The following SEMA6A variants were observed in gnomAD, a reference collection of about 807,000 sequenced individuals.
SEMA6A encodes the protein semaphorin-6A.
Under a neutral mutation model 96.8 loss-of-function variants are expected in SEMA6A, and 25 were observed. The ratio of observed to expected loss-of-function variants is 0.26; its 90% CI spans 0.19 to 0.36. SEMA6A has a LOEUF of 0.36. Among genes scored for constraint, SEMA6A ranks in the 10% least tolerant of loss-of-function variants. The pLI is 1.00. For synonymous variants in SEMA6A, 612 were observed against 518.0 expected (o/e 1.18, Z -2.46); for missense variants, 1,363 against 1,323.1 (o/e 1.03, Z -0.47).
chr5:116,534,604 C>T (rs541175441), intron 1 of SEMA6A, among the ~76,000 whole-genome samples: 24 of 152,196 alleles, frequency 1.6e-4, no homozygotes, highest in Non-Finnish European at 3.1e-4. Context: ...TATGTGGGTT[C>T]CTGATAGCCC....
At chr5:116,537,748 AAAAG>A (rs1759781709) in intron 1 of SEMA6A, among the ~76,000 whole-genome samples, 1 of 152,106 alleles carries the variant, frequency 6.6e-6, no homozygotes, top group African/African-American at 2.4e-5. Context: ...CATTTAGAAA[AAAAG>A]AGAGAAAAGA....
At chr5:116,521,759 G>T (rs1486236037) in intron 1 of SEMA6A, among the ~76,000 whole-genome samples, 1 of 152,198 alleles carries the variant, frequency 6.6e-6, no homozygotes, top group Non-Finnish European at 1.5e-5. Flanking sequence ...TGTGTGAAAG[G>T]CTGAGAAGTT....
chr5:116,490,997 T>C (rs1247454324), intron 7 of SEMA6A, among the ~76,000 whole-genome samples: 12 of 152,148 alleles, frequency 7.9e-5, no homozygotes, highest in Non-Finnish European at 1.6e-4. Flanking sequence ...TCTTTTGCAG[T>C]GGAAAGAAGG....
intron 1 of SEMA6A, among the ~76,000 whole-genome samples, chr5:116,571,846 A>G (rs1212551383): frequency 6.6e-6 from 1 of 152,232 alleles, no homozygotes; most frequent in African/African-American, 2.4e-5. Context: ...AATTCTTGCA[A>G]TCTTGACCGC....
At chr5:116,455,020 C>A (rs1188013824) in intron 18 of SEMA6A, among the ~76,000 whole-genome samples, 1 of 152,128 alleles carries the variant, frequency 6.6e-6, no homozygotes, top group Non-Finnish European at 1.5e-5. Flanking sequence ...GAGTGGTTGA[C>A]TGTAGATGAA....
At chr5:116,535,881 G>T (rs1759686626) in intron 1 of SEMA6A, among the ~76,000 whole-genome samples, 1 of 152,188 alleles carries the variant, frequency 6.6e-6, no homozygotes, top group Non-Finnish European at 1.5e-5. Flanking sequence ...AAAGCAAGAA[G>T]ATATGCTGGT....
At chr5:116,569,780 G>A (rs190600325) in intron 1 of SEMA6A, among the ~76,000 whole-genome samples, 200 of 152,266 alleles carry the variant, frequency 1.3e-3, no homozygotes, top group Non-Finnish European at 2.5e-3. Flanking sequence ...AAAGAATGGA[G>A]TTGCCATTTA....
At chr5:116,466,816 G>GT (rs1267647248) in intron 18 of SEMA6A, among the ~76,000 whole-genome samples, 1 of 152,126 alleles carries the variant, frequency 6.6e-6, no homozygotes. Flanking sequence ...TTACAAGACT[G>GT]TTTTTTGGAC....
rs755916271 is a variant in SEMA6A at position 116,477,828 on chromosome 5, A to G, written c.1649+18T>C. 5.0e-6 allele frequency: 8 copies of G among 1,612,946 alleles called. No individual in the cohort carries two copies. Among genetic ancestry groups the G allele is most frequent in the Admixed American group, 1.7e-5 (1 of 59,996 alleles). On this transcript the variant is annotated intron_variant, in intron 15 of 18. Transcript: ENST00000343348. The stretch of plus-strand genomic sequence containing the variant: ...GCTGGAAGCCACTTCACCCTCTCCC[A>G]CACCTCAGGCTGCCTACCTGCTGTT...
intron 7 of SEMA6A, among the ~76,000 whole-genome samples, chr5:116,490,191 A>G (rs887665785): frequency 1.2e-4 from 18 of 152,236 alleles, no homozygotes; most frequent in Non-Finnish European, 1.3e-4. Flanking sequence ...CTATATATCA[A>G]TAAGTTTTGG....
intron 1 of SEMA6A, among the ~76,000 whole-genome samples, chr5:116,535,056 C>G (rs140721694): frequency 2.8e-4 from 43 of 152,308 alleles, no homozygotes; most frequent in Middle Eastern, 3.4e-3. Flanking sequence ...AATACATATC[C>G]TTTTGCAGGA....
chr5:116,542,921 A>AT (rs200617344), intron 1 of SEMA6A, among the ~76,000 whole-genome samples: 2 of 151,994 alleles, frequency 1.3e-5, no homozygotes, highest in African/African-American at 4.8e-5. Context: ...CCTTTCTCTG[A>AT]TTTTTTTTGG....
At chr5:116,572,006 G>A (rs1023539531) in intron 1 of SEMA6A, among the ~76,000 whole-genome samples, 3 of 152,306 alleles carry the variant, frequency 2.0e-5, no homozygotes, top group African/African-American at 7.2e-5. Context: ...CCACAGACTT[G>A]ATGCCCAAGA....
At chr5:116,466,924 T>G (rs1165009083) in intron 18 of SEMA6A, among the ~76,000 whole-genome samples, 3 of 152,214 alleles carry the variant, frequency 2.0e-5, no homozygotes, top group Admixed American at 6.5e-5. Flanking sequence ...TGTCTGCAGC[T>G]AAGCAAAGAA....
chr5:116,541,772 G>T (rs1759974268), intron 1 of SEMA6A, among the ~76,000 whole-genome samples: 1 of 152,296 alleles, frequency 6.6e-6, no homozygotes, highest in South Asian at 2.1e-4. Flanking sequence ...GGTGGAGGTT[G>T]CAGTGAGCTG....
chr5:116,485,849 CACA>C (rs1418167431), intron 10 of SEMA6A, among the ~76,000 whole-genome samples: 1 of 152,170 alleles, frequency 6.6e-6, no homozygotes, highest in East Asian at 1.9e-4. Flanking sequence ...ATCATTTTCA[CACA>C]ACAATACGAG....
Position 116,445,593 on chromosome 5 carries a change from G to A in SEMA6A, c.*1020C>T, listed in dbSNP as rs1754129370. ...TGCTTTAGAAATTAGGATCTGGAAGGACTTTAACATGAATTAGTTTTTTTG... is the reference window on the plus strand; with the variant it reads ...TGCTTTAGAAATTAGGATCTGGAAGAACTTTAACATGAATTAGTTTTTTTG... On this transcript the variant is annotated 3_prime_UTR_variant, in exon 19 of 19. Transcript: ENST00000343348. 1 of 152,414 alleles carries A rather than the reference G, an allele frequency of 6.6e-6. No individual in the cohort carries two copies. The highest frequency in any genetic ancestry group is 2.4e-5 in the African/African-American group (1 of 41,432). 9.4% of individuals were successfully genotyped at this position (152,414 alleles called of 1,614,324 possible).
chr5:116,517,946 A>T (rs73254677), intron 1 of SEMA6A, among the ~76,000 whole-genome samples: 1 of 152,130 alleles, frequency 6.6e-6, no homozygotes, highest in East Asian at 1.9e-4. Flanking sequence ...TTTCTCCCCA[A>T]TGGAATATGC....
intron 1 of SEMA6A, among the ~76,000 whole-genome samples, chr5:116,542,764 G>C (rs1049910553): frequency 6.6e-6 from 1 of 152,210 alleles, no homozygotes; most frequent in African/African-American, 2.4e-5. Flanking sequence ...TAGAGAAACA[G>C]TAAGTGCCTG....
Sources: allele counts gnomAD v4.1 joint callset (sites outside exome capture counted in the v4.1 genomes callset), GRCh38; gene constraint gnomAD v4.1.1; transcripts MANE v1.5; gene names NCBI Gene and HGNC (gene_info 2026-07-23, HGNC 2026-07-21).